NALF1: variants seen among roughly 807,000 people sequenced by gnomAD.
NALF1 encodes NALCN channel auxiliary factor 1, also known as family with sequence similarity 155 member A.
In NALF1, 3 loss-of-function variants were observed where a neutral mutation model predicts 48.4. The ratio of observed to expected loss-of-function variants is 0.06; its 90% CI spans 0.03 to 0.16. The LOEUF (loss-of-function observed/expected upper bound fraction) is 0.16. Ranked by LOEUF, NALF1 falls within the 10% of genes least tolerant of loss-of-function variation. The pLI is 1.00. For synonymous variants in NALF1, 262 were observed against 245.7 expected, an observed-to-expected ratio of 1.07 and a Z score of -0.62; for missense variants, 526 against 571.5, an observed-to-expected ratio of 0.92 and a Z score of 0.81.
intron 1 of NALF1, among the ~76,000 whole-genome samples, chr13:107,500,444 T>A (rs1875482179): frequency 6.6e-6 from 1 of 151,614 alleles, no homozygotes; most frequent in African/African-American, 2.4e-5. Context: ...CATTAAAAAG[T>A]CAGGAAATAA....
intron 1 of NALF1, among the ~76,000 whole-genome samples, chr13:107,691,222 G>C (rs1002463167): frequency 4.6e-5 from 7 of 152,218 alleles, no homozygotes; most frequent in African/African-American, 1.7e-4. Flanking sequence ...CAAATGGCCA[G>C]AAGCCTGGAG....
At chr13:107,813,985 C>T (rs1263854262) in intron 1 of NALF1, among the ~76,000 whole-genome samples, 1 of 152,014 alleles carries the variant, frequency 6.6e-6, no homozygotes, top group East Asian at 1.9e-4. Context: ...GAGCTTATGG[C>T]ATGAGAAGAT....
intron 1 of NALF1, among the ~76,000 whole-genome samples, chr13:107,305,586 G>A (rs1208516859): frequency 6.6e-6 from 1 of 152,160 alleles, no homozygotes; most frequent in Non-Finnish European, 1.5e-5. Context: ...AGTGAGGATG[G>A]CAGAAAAGAG....
chr13:107,313,006 C>T (rs946857895), intron 1 of NALF1, among the ~76,000 whole-genome samples: 4 of 152,030 alleles, frequency 2.6e-5, no homozygotes, highest in Admixed American at 1.3e-4. Flanking sequence ...GACATAAACA[C>T]GAAGTATTGT....
intron 1 of NALF1, among the ~76,000 whole-genome samples, chr13:107,735,342 T>C (rs1227111774): frequency 6.6e-6 from 1 of 152,210 alleles, no homozygotes; most frequent in African/African-American, 2.4e-5. Flanking sequence ...ATCAGGAATA[T>C]AACATGGTTG....
intron 1 of NALF1, among the ~76,000 whole-genome samples, chr13:107,212,759 T>A (rs1208042803): frequency 6.6e-6 from 1 of 152,206 alleles, no homozygotes; most frequent in African/African-American, 2.4e-5. Context: ...CTGGGCTTAA[T>A]AACCTTTCTC....
In NALF1 at chr13:107,224,289, T is replaced by A. The variant is rs141502615; in HGVS notation, c.916-13534A>T. ...TCAAATTAATAAAGCACATATATCA[T>A]GATGCAAAACATGTAATAAAATCTG... On this transcript the variant is annotated intron_variant, in intron 1 of 2. Transcript: ENST00000375915. 2.0e-4 allele frequency among the ~76,000 whole-genome samples: 31 copies of A among 151,852 alleles called. 2 individuals are homozygous for A. In the East Asian group the frequency reaches 6.0e-3, roughly 29 times the overall value.
intron 1 of NALF1, among the ~76,000 whole-genome samples, chr13:107,281,963 G>A (rs1464586095): frequency 1.3e-5 from 2 of 152,114 alleles, no homozygotes; most frequent in Non-Finnish European, 1.5e-5. Context: ...TAAAACGTGG[G>A]GAATATGGAG....
chr13:107,663,403 C>G (rs1880777682), intron 1 of NALF1, among the ~76,000 whole-genome samples: 1 of 152,136 alleles, frequency 6.6e-6, no homozygotes, highest in Admixed American at 6.5e-5. Context: ...GGATTTATCA[C>G]CAGTGCTGGA....
intron 1 of NALF1, among the ~76,000 whole-genome samples, chr13:107,228,509 C>T (rs1223809577): frequency 6.6e-6 from 1 of 152,200 alleles, no homozygotes; most frequent in African/African-American, 2.4e-5. Context: ...ACTCACAATG[C>T]TCCGTTGTCA....
intron 1 of NALF1, among the ~76,000 whole-genome samples, chr13:107,572,492 G>A (rs9520496): frequency 0.38 from 57,784 of 152,012 alleles, 12,121 homozygotes; most frequent in East Asian, 0.7. Flanking sequence ...CACAAAAATG[G>A]TGGCAGTCTG....
intron 1 of NALF1, among the ~76,000 whole-genome samples, chr13:107,580,592 A>T (rs2476770): frequency 1 from 151,786 of 152,254 alleles, 75,661 homozygotes; most frequent in Middle Eastern, 1. Flanking sequence ...TCGGTATGTC[A>T]GATTTTTGAC....
intron 1 of NALF1, among the ~76,000 whole-genome samples, chr13:107,808,812 T>C (rs778977197): frequency 1.3e-5 from 2 of 151,988 alleles, no homozygotes; most frequent in African/African-American, 2.4e-5. Flanking sequence ...ATATTACACA[T>C]AACTGGGAGG....
At chr13:107,337,043 C>CAAAAAAA (rs60969406) in intron 1 of NALF1, among the ~76,000 whole-genome samples, 1 of 114,830 alleles carries the variant, frequency 8.7e-6, no homozygotes, top group Non-Finnish European at 1.7e-5. Context: ...TTTCATTCCC[C>CAAAAAAA]AAAAAAAAAA....
intron 1 of NALF1, among the ~76,000 whole-genome samples, chr13:107,441,034 A>G (rs371032295): frequency 1.3e-5 from 2 of 152,278 alleles, no homozygotes; most frequent in Admixed American, 6.5e-5. Context: ...GTTTTCAAAA[A>G]TTATGTTGCA....
At position 107,706,946 on chromosome 13, in the gene NALF1, G is replaced by A. The variant is rs1171851530; in HGVS notation, c.915+158736C>T. On this transcript the variant is annotated intron_variant, in intron 1 of 2. Coordinates refer to ENST00000375915, the MANE Select transcript of NALF1 (RefSeq NM_001080396.3). ...TTTTTTTTTTTTTTTTTTTTGAGACGGAGTCTCGCTCTGTCGCCCAGGCTG... is the reference window on the plus strand; with the variant it reads ...TTTTTTTTTTTTTTTTTTTTGAGACAGAGTCTCGCTCTGTCGCCCAGGCTG... Among the ~76,000 whole-genome samples the A allele has an allele frequency of 5.8e-5, 5 of 86,246 alleles. No individual in the cohort carries two copies. The East Asian group carries it at 1.5e-3, about 26-fold the overall frequency. The allele number at this position is 86,246 out of a possible 152,430, so 56.6% of individuals were successfully genotyped here. A position where few individuals can be genotyped will look rare whatever the true frequency, so the allele number is the denominator to read the frequency against.
intron 1 of NALF1, among the ~76,000 whole-genome samples, chr13:107,794,471 G>T (rs1303447090): frequency 4.2e-5 from 6 of 142,854 alleles, no homozygotes; most frequent in African/African-American, 1.5e-4. Flanking sequence ...AGCATGCAGT[G>T]TTTTTTTTTT....
intron 1 of NALF1, among the ~76,000 whole-genome samples, chr13:107,532,819 G>GAATAT (rs3072962): frequency 0.75 from 113,549 of 151,232 alleles, 44,837 homozygotes; most frequent in South Asian, 0.9. Flanking sequence ...GATTATTCAG[G>GAATAT]AATATAATTT....
intron 1 of NALF1, among the ~76,000 whole-genome samples, chr13:107,588,791 C>T (rs923919081): frequency 1.3e-5 from 2 of 152,038 alleles, no homozygotes; most frequent in African/African-American, 4.8e-5. Context: ...CTGAATCAAT[C>T]ATGTTTTCAG....
Sources: allele counts gnomAD v4.1 joint callset (sites outside exome capture counted in the v4.1 genomes callset), GRCh38; gene constraint gnomAD v4.1.1; transcripts MANE v1.5; gene names NCBI Gene and HGNC (gene_info 2026-07-23, HGNC 2026-07-21).